CLTC: variants seen among roughly 807,000 people sequenced by gnomAD.
CLTC encodes the protein clathrin heavy chain, also known as clathrin heavy chain 1.
CLTC carries 16 observed loss-of-function variants against 195.8 expected under a neutral mutation model. The observed-to-expected ratio is 0.08, with a 90% CI of 0.06 to 0.12. The LOEUF is 0.12. CLTC is among the 10% of genes least tolerant of loss of function. The pLI is 1.00. For missense variants in CLTC, 796 were observed against 2,027.0 expected, an observed-to-expected ratio of 0.39 and a Z score of 11.66; for synonymous variants, 667 against 689.4, an observed-to-expected ratio of 0.97 and a Z score of 0.51.
chr17:59,631,816 A>T (rs946974398), intron 1 of CLTC, among the ~76,000 whole-genome samples: 2 of 152,052 alleles, frequency 1.3e-5, no homozygotes, highest in Admixed American at 1.3e-4. Context: ...ACAAAAAATA[A>T]AAAATTAGCC....
At chr17:59,638,318 A>C (rs1394536810) in intron 1 of CLTC, among the ~76,000 whole-genome samples, 1 of 152,072 alleles carries the variant, frequency 6.6e-6, no homozygotes. Context: ...CTTGGGTGAC[A>C]GAGCAAGACC....
At chr17:59,644,830 C>T (rs1441963063) in intron 2 of CLTC, among the ~76,000 whole-genome samples, 3 of 152,146 alleles carry the variant, frequency 2.0e-5, no homozygotes, top group Admixed American at 6.6e-5. Flanking sequence ...AGATTACAGG[C>T]GTGAGCCACC....
chr17:59,659,497 C>G (rs1234214418), intron 6 of CLTC, among the ~76,000 whole-genome samples: 1 of 149,218 alleles, frequency 6.7e-6, no homozygotes, highest in Non-Finnish European at 1.5e-5. Context: ...GTTGCCCAGG[C>G]TGGAGTGCAG....
intron 18 of CLTC, 75 bp from the exon 19 acceptor site, chr17:59,680,837 C>T: frequency 7.9e-7 from 1 of 1,262,698 alleles, no homozygotes; most frequent in Non-Finnish European, 1.1e-6. Flanking sequence ...TTCAAGTTTT[C>T]TAATGAGAGG....
Position 59,663,074 on chromosome 17 carries a change from A to G in CLTC, c.1369-768A>G, listed in dbSNP as rs768752096. Reference sequence around the variant, plus strand: ...TTAATAAAAGAGACATTAATCAACTATTCATTAGCATGTTCAGTTAAGATT... The same window carrying G: ...TTAATAAAAGAGACATTAATCAACTGTTCATTAGCATGTTCAGTTAAGATT... On this transcript the variant is annotated intron_variant, in intron 8 of 31. Coordinates refer to ENST00000269122, the MANE Select transcript of CLTC (RefSeq NM_004859.4). 7.2e-5 allele frequency among the ~76,000 whole-genome samples: 11 copies of G among 152,282 alleles called. No homozygotes were observed. In the East Asian group the frequency reaches 9.6e-4, roughly 13 times the overall value.
intron 1 of CLTC, among the ~76,000 whole-genome samples, chr17:59,625,488 C>T (rs915340827): frequency 3.3e-5 from 5 of 151,856 alleles, no homozygotes; most frequent in African/African-American, 9.7e-5. Flanking sequence ...AATCCTGGTC[C>T]GTATTTAGAG....
chr17:59,653,807 C>A (rs1567948106), intron 5 of CLTC, among the ~76,000 whole-genome samples: 1 of 150,382 alleles, frequency 6.6e-6, no homozygotes, highest in Non-Finnish European at 1.5e-5. Flanking sequence ...CTGAGTCTCT[C>A]TATTGCCCAG....
At chr17:59,625,366 A>G (rs1025366586) in intron 1 of CLTC, among the ~76,000 whole-genome samples, 9 of 151,032 alleles carry the variant, frequency 6.0e-5, no homozygotes, top group African/African-American at 1.9e-4. Flanking sequence ...ACCTCGTGAA[A>G]TGCCTGCCTC....
At position 59,666,204 on chromosome 17, in the gene CLTC, G is replaced by A. The variant is rs764142967; in HGVS notation, c.1746G>A (p.Thr582=). The change falls in exon 11 of 32, where the codon ACG becomes ACA. Residue 582 remains threonine (T), a synonymous_variant. Transcript: ENST00000269122. The surrounding 1 kb of genome is among the most constrained non-coding windows in gnomAD (Gnocchi z 4.9). ...NNRPSEGPLQ[T]RLLEMNLMHA... Reference sequence around the variant, plus strand: ...GCCCATCTGAAGGTCCTTTACAGACGCGGTTACTTGAGATGAACCTTATGC... The same window carrying A: ...GCCCATCTGAAGGTCCTTTACAGACACGGTTACTTGAGATGAACCTTATGC... 4 of 1,613,866 alleles carry A rather than the reference G, an allele frequency of 2.5e-6. No homozygotes were observed. The highest frequency in any genetic ancestry group is 1.3e-5 in the African/African-American group (1 of 74,900).
chr17:59,684,042 AT>A, intron 28 of CLTC, 57 bp downstream of exon 28: 1 of 1,155,706 alleles, frequency 8.7e-7, no homozygotes, highest in Non-Finnish European at 1.3e-6. Flanking sequence ...ATGTTTTCCC[AT>A]TTTTTAAAAA....
At chr17:59,625,265 C>T (rs2031514529) in intron 1 of CLTC, among the ~76,000 whole-genome samples, 1 of 151,804 alleles carries the variant, frequency 6.6e-6, no homozygotes, top group South Asian at 2.1e-4. Flanking sequence ...CGTGCTACCA[C>T]GCCCAGCTAT....
intron 1 of CLTC, among the ~76,000 whole-genome samples, chr17:59,625,835 C>T (rs9910288): frequency 0.014 from 2,167 of 152,142 alleles, 44 homozygotes; most frequent in African/African-American, 0.049. Context: ...CTTGTGGTTA[C>T]CATATTGGAC....
At chr17:59,676,565 C>T (rs1022030940) in intron 16 of CLTC, among the ~76,000 whole-genome samples, 2 of 152,134 alleles carry the variant, frequency 1.3e-5, no homozygotes, top group African/African-American at 4.8e-5. Context: ...AGCAGATAAA[C>T]CTGGGAGAGT....
At chr17:59,676,804 A>G in intron 16 of CLTC, 150 bp from the exon 17 acceptor site, 1 of 640,852 alleles carries the variant, frequency 1.6e-6, no homozygotes, top group Non-Finnish European at 2.7e-6. Flanking sequence ...ACTGCACTTC[A>G]GCCTGGACAA....
chr17:59,680,309 A>G (rs1307704290), intron 18 of CLTC, among the ~76,000 whole-genome samples: 1 of 152,184 alleles, frequency 6.6e-6, no homozygotes, highest in Non-Finnish European at 1.5e-5. Flanking sequence ...TGCAAATGAG[A>G]TGGGGTTTTA....
In CLTC at chr17:59,694,113, C is replaced by T. The variant is rs917933040; in HGVS notation, c.*261C>T. 1.3e-5 allele frequency: 4 copies of T among 302,190 alleles called. No individual in the cohort carries two copies. The highest frequency in any genetic ancestry group is 2.5e-5 in the Non-Finnish European group (4 of 162,190). The allele number at this position is 302,190 out of a possible 1,614,324, so 18.7% of individuals were successfully genotyped here. A position where few individuals can be genotyped will look rare whatever the true frequency, so the allele number is the denominator to read the frequency against. On this transcript the variant is annotated 3_prime_UTR_variant, in exon 32 of 32. Transcript: ENST00000269122. ...TGGGCTTTTTTTCTTCCCCCTCTTTCTTTAAAGAACTGCTCAATATTCAAT... is the reference window on the plus strand; with the variant it reads ...TGGGCTTTTTTTCTTCCCCCTCTTTTTTTAAAGAACTGCTCAATATTCAAT...
At position 59,685,663 on chromosome 17, in the gene CLTC, A is replaced by C; in HGVS notation, c.4682A>C (p.Glu1561Ala). ...CTCCTGCAGTGGTTTTTGCAGGAAG[A>C]AAAAAGAGAGTGCTTTGGAGCTTGT... is the stretch of plus-strand genomic sequence containing the variant. ...EELLQWFLQE[E>A]KRECFGACLF... is the part of the protein sequence containing the mutation. The change falls in exon 30 of 32, where the codon GAA becomes GCA. Residue 1561 changes from glutamate to alanine, a missense_variant. This residue lies in a region of CLTC where 148 missense variants were observed against 279.5 expected (regional missense o/e 0.53). Coordinates refer to ENST00000269122, the MANE Select transcript of CLTC (RefSeq NM_004859.4). The surrounding 1 kb of genome is among the most constrained non-coding windows in gnomAD (Gnocchi z 5.0). 6.2e-7 allele frequency: 1 copy of C among 1,614,124 alleles called. No individual in the cohort carries two copies. Among genetic ancestry groups the C allele is most frequent in the Non-Finnish European group, 8.5e-7 (1 of 1,179,988 alleles).
At chr17:59,625,831 G>A (rs2031533350) in intron 1 of CLTC, among the ~76,000 whole-genome samples, 1 of 152,068 alleles carries the variant, frequency 6.6e-6, no homozygotes, top group Non-Finnish European at 1.5e-5. Flanking sequence ...GTGACTTGTG[G>A]TTACCATATT....
chr17:59,655,716 T>C, intron 5 of CLTC, 138 bp from the exon 6 acceptor site: 2 of 618,884 alleles, frequency 3.2e-6, no homozygotes, highest in Non-Finnish European at 5.1e-6. Context: ...AAGGAAACTT[T>C]AAATATTAGC....
Sources: allele counts gnomAD v4.1 joint callset (sites outside exome capture counted in the v4.1 genomes callset), GRCh38; gene constraint gnomAD v4.1.1; regional missense constraint gnomAD v4.1.1; non-coding constraint Gnocchi (gnomAD v3.1); transcripts MANE v1.5; gene names NCBI Gene and HGNC (gene_info 2026-07-23, HGNC 2026-07-21).